Variants in COL4A2 observed in about 807,000 individuals in gnomAD.
COL4A2 encodes collagen type IV alpha 2 chain.
COL4A2 carries 99 observed loss-of-function variants against 200.2 expected under a neutral mutation model. The ratio of observed to expected loss-of-function variants is 0.49; its 90% CI spans 0.42 to 0.58. COL4A2 has a LOEUF of 0.58. Among genes scored for constraint, COL4A2 ranks in the 20% least tolerant of loss-of-function variants. The probability of loss-of-function intolerance (pLI) is 0.00; values close to 1 mark genes in which losing one functional copy is unlikely to be tolerated. For missense variants in COL4A2, 1,950 were observed against 2,314.1 expected (o/e 0.84, Z 3.23); for synonymous variants, 897 against 900.6 (o/e 1.00, Z 0.07).
intron 4 of COL4A2, among the ~76,000 whole-genome samples, chr13:110,397,801 A>G (rs1223730852): frequency 6.6e-6 from 1 of 152,132 alleles, no homozygotes; most frequent in Non-Finnish European, 1.5e-5. Flanking sequence ...GTGAGAGGAC[A>G]CTCAGAAGAA....
chr13:110,505,454 G>C (rs1027482881), intron 45 of COL4A2, among the ~76,000 whole-genome samples: 5 of 152,186 alleles, frequency 3.3e-5, no homozygotes, highest in African/African-American at 1.2e-4. Context: ...GGCAAATTAT[G>C]GGTAGTGTGG....
intron 20 of COL4A2, among the ~76,000 whole-genome samples, chr13:110,450,872 T>G (rs1417466813): frequency 3.3e-5 from 5 of 152,202 alleles, no homozygotes; most frequent in Non-Finnish European, 7.3e-5. Flanking sequence ...GCCTCTCTCC[T>G]GTGTTACTCC....
At chr13:110,337,264 G>C (rs147489726) in intron 3 of COL4A2, among the ~76,000 whole-genome samples, 56 of 152,336 alleles carry the variant, frequency 3.7e-4, no homozygotes, top group African/African-American at 1.3e-3. Flanking sequence ...TCACAGCCAA[G>C]TTTGGAAACC....
At chr13:110,460,080 C>T (rs547663549) in intron 22 of COL4A2, among the ~76,000 whole-genome samples, 1 of 152,256 alleles carries the variant, frequency 6.6e-6, no homozygotes, top group East Asian at 1.9e-4. Flanking sequence ...AAAAAGAGAA[C>T]TCTGGGAAAT....
chr13:110,449,274 G>T (rs185140807), intron 18 of COL4A2, among the ~76,000 whole-genome samples: 2 of 152,290 alleles, frequency 1.3e-5, no homozygotes, highest in African/African-American at 4.8e-5. Flanking sequence ...TTGTTCAGGG[G>T]TGAAAGTTTT....
intron 3 of COL4A2, among the ~76,000 whole-genome samples, chr13:110,351,246 C>T (rs12017334): frequency 1.3e-4 from 15 of 119,106 alleles, no homozygotes; most frequent in African/African-American, 4.0e-4. Context: ...TTTGTTTGTT[C>T]GTTTGTTTTG....
At chr13:110,507,690 C>T (rs1430380291) in intron 46 of COL4A2, 1 of 580,080 alleles carries the variant, frequency 1.7e-6, no homozygotes, top group Non-Finnish European at 3.1e-6. Flanking sequence ...GGTGATCCAA[C>T]TTGGCCCAGT....
At chr13:110,426,621 T>A (rs1880479558) in intron 6 of COL4A2, among the ~76,000 whole-genome samples, 1 of 152,226 alleles carries the variant, frequency 6.6e-6, no homozygotes, top group African/African-American at 2.4e-5. Context: ...TGAATCTAAT[T>A]TGATGCTGAG....
At chr13:110,332,612 C>G (rs1875977613) in intron 3 of COL4A2, among the ~76,000 whole-genome samples, 1 of 152,178 alleles carries the variant, frequency 6.6e-6, no homozygotes, top group Non-Finnish European at 1.5e-5. Context: ...AAGACAAGCA[C>G]AGGCAGATAG....
At chr13:110,395,985 A>G (rs568172368) in intron 4 of COL4A2, among the ~76,000 whole-genome samples, 1 of 152,352 alleles carries the variant, frequency 6.6e-6, no homozygotes, top group Admixed American at 6.5e-5. Context: ...AGGGATATGG[A>G]ATAAAGTACA....
rs1447552664 is a variant in COL4A2 at position 110,436,330 on chromosome 13, C to T, written c.788C>T (p.Ala263Val). ...TCAGACACCCTCCACCCCATCATCG[C>T]GCCCACAGGAGTCACCTTCCACCCA... ...IPSDTLHPII[A>V]PTGVTFHPDQ... Residue 263 changes from alanine (A) to valine (V), a missense_variant, in exon 13 of 48, where the codon GCG becomes GTG. Around this residue, in one of 2 missense-constraint regions of COL4A2, gnomAD observed 565 missense variants for 593.5 expected, o/e 0.95. Transcript: ENST00000360467. The T allele has an allele frequency of 4.3e-6, 7 of 1,613,826 alleles. No individual in the cohort carries two copies. The highest frequency in any genetic ancestry group is 2.2e-5 in the East Asian group (1 of 44,864).
chr13:110,365,237 G>A (rs1249166803), intron 4 of COL4A2, among the ~76,000 whole-genome samples: 4 of 152,066 alleles, frequency 2.6e-5, no homozygotes, highest in African/African-American at 9.7e-5. Context: ...CACCTCCTGG[G>A]TTCAAGTCAT....
chr13:110,485,793 GC>G lies in COL4A2; in HGVS notation c.3170del (p.Pro1057LeufsTer10). The G allele has an allele frequency of 6.2e-7, 1 of 1,613,748 alleles. No homozygotes were observed. The highest frequency in any genetic ancestry group is 1.1e-5 in the South Asian group (1 of 91,080). On this transcript the variant is annotated frameshift_variant, in exon 34 of 48. Transcript: ENST00000360467. LOFTEE classifies it high-confidence loss of function. ...TTGCCAGGATTCCCTGGGGTGGCTG[GC>G]CCCCCTGGAATTACGGGATTCCCAG... Reference protein sequence around the residue: ...PGLPGFPGVAGPPGITGFPGF... With the variant: ...PGLPGFPGVAXPPGITGFPGF...
chr13:110,337,872 T>C (rs1876273465), intron 3 of COL4A2, among the ~76,000 whole-genome samples: 4 of 152,232 alleles, frequency 2.6e-5, no homozygotes, highest in African/African-American at 9.7e-5. Flanking sequence ...ATATATGTAC[T>C]CACTAAAATA....
chr13:110,452,226 CG>C (rs1881564274), intron 20 of COL4A2, among the ~76,000 whole-genome samples: 1 of 152,190 alleles, frequency 6.6e-6, no homozygotes, highest in South Asian at 2.1e-4. Flanking sequence ...CTCCGCCTCC[CG>C]GGTTCGTTCC....
intron 14 of COL4A2, 25 bp from the exon 15 acceptor site, chr13:110,438,593 T>G: frequency 6.2e-7 from 1 of 1,614,162 alleles, no homozygotes. Context: ...GGGTTGCTCC[T>G]TACGCCCCCT....
At chr13:110,321,468 A>C (rs1206098670) in intron 3 of COL4A2, among the ~76,000 whole-genome samples, 1 of 152,158 alleles carries the variant, frequency 6.6e-6, no homozygotes, top group Non-Finnish European at 1.5e-5. Context: ...TTCCATGTGC[A>C]TTAAATACCT....
chr13:110,453,333 C>G (rs996887953), intron 20 of COL4A2, among the ~76,000 whole-genome samples: 3 of 152,006 alleles, frequency 2.0e-5, no homozygotes. Flanking sequence ...GAAACCCCAT[C>G]TCTACCAAAA....
At chr13:110,465,145 G>A (rs1489900633) in intron 24 of COL4A2, among the ~76,000 whole-genome samples, 8 of 152,190 alleles carry the variant, frequency 5.3e-5, no homozygotes, top group Admixed American at 2.0e-4. Context: ...GGGAGCTGGC[G>A]GGTGGGAAGA....
Sources: allele counts gnomAD v4.1 joint callset (sites outside exome capture counted in the v4.1 genomes callset), GRCh38; gene constraint gnomAD v4.1.1; regional missense constraint gnomAD v4.1.1; transcripts MANE v1.5; gene names NCBI Gene and HGNC (gene_info 2026-07-23, HGNC 2026-07-21).